SCRIB: variants seen among roughly 807,000 people sequenced by gnomAD.
SCRIB encodes scribble planar cell polarity protein, also known as protein scribble homolog.
SCRIB carries 72 observed loss-of-function variants against 170.0 expected under a neutral mutation model. That is an observed-to-expected ratio of 0.42 (90% confidence interval 0.35 to 0.52). The LOEUF (loss-of-function observed/expected upper bound fraction) is 0.52, where lower values mean the gene tolerates loss of function less well. Among genes scored for constraint, SCRIB ranks in the 20% least tolerant of loss-of-function variants. SCRIB has a pLI of 0.02. For synonymous variants in SCRIB, 1,298 were observed against 1,044.3 expected, an observed-to-expected ratio of 1.24 and a Z score of -4.68; for missense variants, 2,475 against 2,338.5, an observed-to-expected ratio of 1.06 and a Z score of -1.20.
At chr8:143,807,472 G>A (rs1392214093) in intron 16 of SCRIB, 80 bp downstream of exon 16, 1 of 1,120,392 alleles carries the variant, frequency 8.9e-7, no homozygotes, top group Non-Finnish European at 1.4e-6. Flanking sequence ...AGCAACAGGG[G>A]CGGGGAGAGG....
At chr8:143,810,336 A>G in intron 13 of SCRIB, 143 bp downstream of exon 13, 1 of 1,250,652 alleles carries the variant, frequency 8.0e-7, no homozygotes, top group Non-Finnish European at 1.1e-6. Flanking sequence ...CTGCAGCTCC[A>G]TGTCCCTGAA....
Position 143,812,289 on chromosome 8 carries a change from T to C in SCRIB, c.883A>G (p.Ile295Val), listed in dbSNP as rs1346344662. Residue 295 changes from isoleucine to valine, a missense_variant, in exon 9 of 37, where the codon ATC becomes GTC. Coordinates refer to ENST00000356994, the MANE Select transcript of SCRIB (RefSeq NM_182706.5). The stretch of plus-strand genomic sequence containing the variant: ...ACCATCAGCAGGTTCTCCGTGAGGA[T>C]CAGCTCAGAGAGGTTCTCACAGTCC... ...IGDCENLSEL[I>V]LTENLLMALP... 1.2e-6 allele frequency: 2 copies of C among 1,611,614 alleles called. No homozygotes were observed. The highest frequency in any genetic ancestry group is 3.3e-5 in the Admixed American group (2 of 60,004).
intron 1 of SCRIB, 200 bp downstream of exon 1, chr8:143,815,014 A>AGCAG (rs1816001919): frequency 1.8e-6 from 1 of 560,862 alleles, no homozygotes; most frequent in Non-Finnish European, 3.0e-6. Flanking sequence ...TCCCCAGGCA[A>AGCAG]GCACCTGATG....
chr8:143,814,986 G>A, intron 1 of SCRIB: 1 of 508,782 alleles, frequency 2.0e-6, no homozygotes, highest in Non-Finnish European at 3.4e-6. Context: ...CCGCCTCCAG[G>A]CTCGGTGACA....
chr8:143,793,075 G>A lies in SCRIB; in HGVS notation c.3918C>T (p.Ser1306=). The change falls in exon 29 of 37, where the codon TCC becomes TCT. Residue 1306 remains serine, a synonymous_variant. Coordinates refer to ENST00000356994, the MANE Select transcript of SCRIB (RefSeq NM_182706.5). ...PCSPSGQQPP[S]PPSPDELPAN... ...CGGGCAGCTCATCCGGAGAAGGCGG[G>A]GAGGGCGGCTGGGGGGTGGGGCTCT... 1 of 1,480,654 alleles carries A rather than the reference G, an allele frequency of 6.8e-7. No homozygotes were observed. Among genetic ancestry groups the A allele is most frequent in the African/African-American group, 1.4e-5 (1 of 70,492 alleles). The allele number at this position is 1,480,654 out of a possible 1,614,324, so 91.7% of individuals were successfully genotyped here.
Position 143,792,470 on chromosome 8 carries a change from T to C in SCRIB, c.4328+15A>G, listed in dbSNP as rs782420992. ...CGTGGGGTGAGTAGGGGGCGTCTGG[T>C]GGGCGGGTGCTCACCTTGAGGTGGG... On this transcript the variant is annotated intron_variant, in intron 31 of 36. Transcript: ENST00000356994. The C allele has an allele frequency of 1.2e-5, 19 of 1,524,626 alleles. No homozygotes were observed. 94.4% of individuals were successfully genotyped at this position (1,524,626 alleles called of 1,614,324 possible). A position where few individuals can be genotyped will look rare whatever the true frequency, so the allele number is the denominator to read the frequency against.
intron 28 of SCRIB, chr8:143,793,562 TG>T (rs1310005004): frequency 5.8e-5 from 20 of 346,734 alleles, no homozygotes; most frequent in Non-Finnish European, 1.0e-4. Context: ...GTGCCAACAG[TG>T]GGGGGGCAAG....
intron 23 of SCRIB, 37 bp downstream of exon 23, chr8:143,803,610 G>T: frequency 1.3e-6 from 2 of 1,560,364 alleles, no homozygotes; most frequent in Non-Finnish European, 1.7e-6. Context: ...CTGTTGGGGG[G>T]TGGGGCCCAG....
Position 143,813,488 on chromosome 8 carries a change from A to G in SCRIB, c.485T>C (p.Leu162Pro). The G allele has an allele frequency of 6.2e-7, 1 of 1,613,244 alleles. No individual in the cohort carries two copies. The highest frequency in any genetic ancestry group is 1.3e-5 in the African/African-American group (1 of 75,064). Residue 162 changes from leucine (L) to proline (P), a missense_variant, in exon 5 of 37, where the codon CTG becomes CCG. Coordinates refer to ENST00000356994, the MANE Select transcript of SCRIB (RefSeq NM_182706.5). ...CACTCACGCTGGCAGGGACTTGAGC[A>G]GGTTCTCCCGGAGCTCCAGGGTCAC... ...NLVTLELREN[L>P]LKSLPASLSF...
At chr8:143,806,350 A>T (rs1484822592) in intron 18 of SCRIB, 57 bp downstream of exon 18, 14 of 1,365,028 alleles carry the variant, frequency 1.0e-5, no homozygotes, top group African/African-American at 2.9e-5. Context: ...AATACCAGGG[A>T]CCATGTACCT....
At chr8:143,804,529 G>A (rs1815322120) in intron 21 of SCRIB, 39 bp downstream of exon 21, 4 of 1,483,566 alleles carry the variant, frequency 2.7e-6, no homozygotes, top group East Asian at 2.3e-5. Flanking sequence ...GCCCACAGCT[G>A]AAGCTGGGTG....
chr8:143,803,663 C>T lies in SCRIB; in HGVS notation c.3398G>A (p.Gly1133Asp). Residue 1133 changes from glycine to aspartate, a missense_variant, in exon 23 of 37, where the codon GGC (glycine) becomes GAC (aspartate). Transcript: ENST00000356994. ...AGNPRDPTDE[G>D]IFISKVSPTG... The stretch of plus-strand genomic sequence containing the variant: ...GGGGCTCACCTTGGAGATGAAGATG[C>T]CCTCGTCTGTGGGGTCGCGGGGGTT... 6.4e-7 allele frequency: 1 copy of T among 1,561,708 alleles called. No homozygotes were observed. The highest frequency in any genetic ancestry group is 8.6e-7 in the Non-Finnish European group (1 of 1,159,548).
Position 143,793,881 on chromosome 8 carries a change from G to A in SCRIB, c.3909+19C>T, listed in dbSNP as rs782365059. ...CCTCCACCCACCATGGGGCACACCC[G>A]TTAACTTGGGACACTCACCTGCTGG... is the stretch of plus-strand genomic sequence containing the variant. On this transcript the variant is annotated intron_variant, in intron 28 of 36. Transcript: ENST00000356994. 8.1e-6 allele frequency: 13 copies of A among 1,612,140 alleles called. No individual in the cohort carries two copies. The highest frequency in any genetic ancestry group is 2.2e-5 in the East Asian group (1 of 44,850).
At position 143,809,546 on chromosome 8, in the gene SCRIB, C is replaced by T. The variant is rs747376373; in HGVS notation, c.1698+5G>A. ...GCCTCCTGCCTCCTTCCTGCCAATC[C>T]ACACCTCCTGGTAGTCCTCTTCGGC... On this transcript the variant is annotated splice_donor_5th_base_variant and intron_variant, in intron 14 of 36. Transcript: ENST00000356994. 3.7e-6 allele frequency: 6 copies of T among 1,604,898 alleles called. No individual in the cohort carries two copies. The highest frequency in any genetic ancestry group is 5.1e-6 in the Non-Finnish European group (6 of 1,175,064).
chr8:143,815,054 C>T, intron 1 of SCRIB, 160 bp downstream of exon 1: 2 of 819,764 alleles, frequency 2.4e-6, no homozygotes, highest in Non-Finnish European at 3.5e-6. Context: ...GCCAGGGCGG[C>T]TGGAAGAGAA....
chr8:143,812,805 A>G lies in SCRIB; in HGVS notation c.787+12T>C, dbSNP rs781112933. ...CCGTGTGCCCCACCCAGGCACCCCC[A>G]GGCACACTAACCGATGCCGTCGGGC... On this transcript the variant is annotated intron_variant, in intron 8 of 36. Transcript: ENST00000356994. 2 of 1,596,106 alleles carry G rather than the reference A, an allele frequency of 1.3e-6. No homozygotes were observed. The highest frequency in any genetic ancestry group is 1.7e-6 in the Non-Finnish European group (2 of 1,177,102).
At chr8:143,809,148 A>G in intron 14 of SCRIB, 123 bp from the exon 15 acceptor site, 1 of 1,302,732 alleles carries the variant, frequency 7.7e-7, no homozygotes, top group East Asian at 2.5e-5. Context: ...AAGACTCAGC[A>G]CTAACTGCCC....
At chr8:143,803,021 G>A (rs573789630) in intron 24 of SCRIB, among the ~76,000 whole-genome samples, 2 of 152,344 alleles carry the variant, frequency 1.3e-5, no homozygotes, top group South Asian at 4.1e-4. Flanking sequence ...GCTTTGGGCA[G>A]GGCTTGGAGT....
intron 15 of SCRIB, among the ~76,000 whole-genome samples, chr8:143,807,880 C>A (rs999967519): frequency 4.4e-4 from 67 of 152,310 alleles, no homozygotes; most frequent in African/African-American, 1.5e-3. Flanking sequence ...GCCACTGGCC[C>A]ACACTCAGGG....
Sources: allele counts gnomAD v4.1 joint callset (sites outside exome capture counted in the v4.1 genomes callset), GRCh38; gene constraint gnomAD v4.1.1; transcripts MANE v1.5; gene names NCBI Gene and HGNC (gene_info 2026-07-23, HGNC 2026-07-21).